SLC29A3: variants seen among roughly 807,000 people sequenced by gnomAD.
SLC29A3 encodes equilibrative nucleoside transporter 3.
A neutral mutation model predicts 25.4 loss-of-function variants in SLC29A3; 18 were observed. The observed-to-expected ratio is 0.71, with a 90% confidence interval of 0.49 to 1.05. The LOEUF is 1.05. Among genes scored for constraint, SLC29A3 ranks in the 50% least tolerant of loss-of-function variants. SLC29A3 has a pLI of 0.00. For missense variants in SLC29A3, 586 were observed against 609.0 expected (o/e 0.96, Z 0.40); for synonymous variants, 258 against 267.1 (o/e 0.97, Z 0.33).
At position 71,356,120 on chromosome 10, in the gene SLC29A3, T is replaced by C. The variant is rs1846900381; in HGVS notation, c.650T>C (p.Leu217Ser). 3 of 1,614,180 alleles carry C rather than the reference T, an allele frequency of 1.9e-6. No homozygotes were observed. The highest frequency in any genetic ancestry group is 8.5e-7 in the Non-Finnish European group (1 of 1,180,040). ...MGGTVSAVAS[L>S]VDLAASSDVR... ...GGGACGGTCAGCGCCGTGGCCTCAT[T>C]GGTGGACTTGGCTGCATCCAGTGAT... Residue 217 changes from leucine (L) to serine (S), a missense_variant, in exon 5 of 6, where the codon TTG becomes TCG. Leu to Ser is a moderately radical substitution (Grantham distance 145, BLOSUM62 -2). Coordinates refer to ENST00000373189, the MANE Select transcript of SLC29A3 (RefSeq NM_018344.6).
intron 2 of SLC29A3, among the ~76,000 whole-genome samples, chr10:71,336,427 G>A (rs1846255393): frequency 6.6e-6 from 1 of 152,092 alleles, no homozygotes; most frequent in African/African-American, 2.4e-5. Flanking sequence ...CTGCGAGGAG[G>A]ACGCTGAGGA....
intron 3 of SLC29A3, among the ~76,000 whole-genome samples, chr10:71,372,895 T>C (rs1365906438): frequency 2.6e-5 from 4 of 152,018 alleles, no homozygotes; most frequent in East Asian, 1.9e-4. Context: ...ACCATCAATA[T>C]TGAGGAGGGA....
chr10:71,338,481 G>A (rs1846311250), intron 2 of SLC29A3, among the ~76,000 whole-genome samples: 1 of 152,144 alleles, frequency 6.6e-6, no homozygotes, highest in East Asian at 1.9e-4. Context: ...CCCTGGCCGG[G>A]CACCATGGCT....
intron 2 of SLC29A3, among the ~76,000 whole-genome samples, chr10:71,327,325 T>A (rs1359896431): frequency 1.3e-5 from 2 of 152,160 alleles, no homozygotes; most frequent in Non-Finnish European, 2.9e-5. Flanking sequence ...CTGTCTCTAT[T>A]CTCTGGAATA....
At chr10:71,367,594 G>C (rs542203686), downstream of SLC29A3, among the ~76,000 whole-genome samples, 3 of 152,290 alleles carry the variant, frequency 2.0e-5, no homozygotes, top group South Asian at 6.2e-4. Flanking sequence ...CTGCCACCAG[G>C]TTTCTGCCAC....
intron 3 of SLC29A3, chr10:71,375,665 C>T (rs1054322580): frequency 2.0e-5 from 3 of 152,076 alleles, no homozygotes; most frequent in African/African-American, 7.2e-5. Context: ...AGGTGGTACT[C>T]GGACGTGACT....
chr10:71,323,367 G>A (rs561428460), intron 2 of SLC29A3, among the ~76,000 whole-genome samples: 1 of 152,236 alleles, frequency 6.6e-6, no homozygotes, highest in South Asian at 2.1e-4. Context: ...AATTCTGGTC[G>A]GGACAGCCCA....
chr10:71,367,810 A>G (rs1430010617), downstream of SLC29A3, among the ~76,000 whole-genome samples: 1 of 152,226 alleles, frequency 6.6e-6, no homozygotes, highest in Admixed American at 6.5e-5. Context: ...GCCACAGCAT[A>G]GGGCCAAGGA....
rs797015317 is a variant in SLC29A3 at position 71,337,789 on chromosome 10, T to G, written c.301-6420T>G. 7.2e-5 allele frequency among the ~76,000 whole-genome samples: 11 copies of G among 152,336 alleles called. 1 individual carries two copies. Among genetic ancestry groups the G allele is most frequent in the African/African-American group, 2.6e-4 (11 of 41,584 alleles). On this transcript the variant is annotated intron_variant, in intron 2 of 5. Coordinates refer to ENST00000373189, the MANE Select transcript of SLC29A3 (RefSeq NM_018344.6). Reference sequence around the variant, plus strand: ...CCTGGACTCTGAGCCTGGAATTGAATTCTTCCAGAAGAGACCCTTAGCACG... The same window carrying G: ...CCTGGACTCTGAGCCTGGAATTGAAGTCTTCCAGAAGAGACCCTTAGCACG...
intron 1 of SLC29A3, among the ~76,000 whole-genome samples, chr10:71,322,527 G>A (rs150311154): frequency 1.3e-5 from 2 of 152,182 alleles, no homozygotes; most frequent in African/African-American, 4.8e-5. Context: ...CATGGTTGGG[G>A]TGACCTCTGA....
chr10:71,368,615 G>A (rs972487972), intron 3 of SLC29A3, among the ~76,000 whole-genome samples: 2 of 152,160 alleles, frequency 1.3e-5, no homozygotes, highest in Non-Finnish European at 2.9e-5. Context: ...TGGACAGGCT[G>A]TTTCATTTTT....
intron 3 of SLC29A3, among the ~76,000 whole-genome samples, chr10:71,349,079 C>G (rs1846675808): frequency 6.6e-6 from 1 of 151,968 alleles, no homozygotes; most frequent in South Asian, 2.1e-4. Context: ...ACCTGTCACT[C>G]CCAGGTAAGT....
chr10:71,362,105 G>C lies in SLC29A3; in HGVS notation c.925G>C (p.Gly309Arg), dbSNP rs574949543. The C allele has an allele frequency of 4.2e-5, 67 of 1,614,072 alleles. No individual in the cohort carries two copies. The South Asian group carries it at 6.7e-4, about 16-fold the overall frequency. Reference protein sequence around the residue: ...RPILKKTASLGFCVTYVFFIT... With the variant: ...RPILKKTASLRFCVTYVFFIT... ...CATCCTGAAGAAGACGGCCAGCCTGGGCTTCTGTGTCACCTACGTCTTCTT... is the reference window on the plus strand; with the variant it reads ...CATCCTGAAGAAGACGGCCAGCCTGCGCTTCTGTGTCACCTACGTCTTCTT... Residue 309 changes from glycine to arginine, a missense_variant, in exon 6 of 6, where the codon GGC (glycine) becomes CGC (arginine). Physicochemically the swap from Gly to Arg is moderately radical, Grantham distance 125. Transcript: ENST00000373189.
chr10:71,331,260 T>C (rs751479051), intron 2 of SLC29A3, among the ~76,000 whole-genome samples: 1 of 152,178 alleles, frequency 6.6e-6, no homozygotes, highest in South Asian at 2.1e-4. Flanking sequence ...TTTGACCTTG[T>C]GCAGGTTCAT....
At chr10:71,367,549 C>T (rs1161490385), downstream of SLC29A3, among the ~76,000 whole-genome samples, 1 of 152,214 alleles carries the variant, frequency 6.6e-6, no homozygotes, top group Non-Finnish European at 1.5e-5. Context: ...ACAGCCTTTG[C>T]AGCAGGCAAC....
chr10:71,329,457 C>CAAA lies in SLC29A3; in HGVS notation c.300+6417_300+6419dup, dbSNP rs1554814829. Among the ~76,000 whole-genome samples the CAAA allele has an allele frequency of 7.8e-4, 94 of 120,438 alleles. 1 individual carries two copies. Among genetic ancestry groups the CAAA allele is most frequent in the African/African-American group, 2.0e-3 (71 of 34,652 alleles). 79.0% of individuals were successfully genotyped at this position (120,438 alleles called of 152,430 possible). On this transcript the variant is annotated intron_variant, in intron 2 of 5. Coordinates refer to ENST00000373189, the MANE Select transcript of SLC29A3 (RefSeq NM_018344.6). The stretch of plus-strand genomic sequence containing the variant: ...TGGGCAACAGAGCAAGACTCTGTCT[C>CAAA]AAAAAAAAAAAAAAAAGAAAAGAAA...
At chr10:71,324,938 A>G (rs769802326) in intron 2 of SLC29A3, among the ~76,000 whole-genome samples, 1 of 152,218 alleles carries the variant, frequency 6.6e-6, no homozygotes, top group Non-Finnish European at 1.5e-5. Flanking sequence ...AGTTAGGTCA[A>G]TGAGAGTCTT....
intron 2 of SLC29A3, among the ~76,000 whole-genome samples, chr10:71,332,341 G>A (rs1300044391): frequency 6.6e-6 from 1 of 151,576 alleles, no homozygotes; most frequent in African/African-American, 2.4e-5. Context: ...GTAGAGATGG[G>A]GTTTCACCAT....
chr10:71,336,842 T>C (rs934586837), intron 2 of SLC29A3, among the ~76,000 whole-genome samples: 8 of 152,074 alleles, frequency 5.3e-5, no homozygotes, highest in Non-Finnish European at 1.2e-4. Flanking sequence ...CCAGCAGGGA[T>C]TCCTGAGGAG....
Sources: allele counts gnomAD v4.1 joint callset (sites outside exome capture counted in the v4.1 genomes callset), GRCh38; gene constraint gnomAD v4.1.1; transcripts MANE v1.5; gene names NCBI Gene and HGNC (gene_info 2026-07-23, HGNC 2026-07-21).